Variants in DLGAP2 observed in about 807,000 individuals in gnomAD.
The protein encoded by DLGAP2 is disks large-associated protein 2.
DLGAP2 carries 26 observed loss-of-function variants against 100.3 expected under a neutral mutation model. That is an observed-to-expected ratio of 0.26 (90% CI 0.19 to 0.36). DLGAP2 has a LOEUF of 0.36. DLGAP2 is among the 10% of genes least tolerant of loss of function. The pLI is 1.00. For synonymous variants in DLGAP2, 886 were observed against 630.1 expected (o/e 1.41, Z -6.08); for missense variants, 1,858 against 1,453.2 (o/e 1.28, Z -4.53).
chr8:1,089,542 C>T (rs1324993317), intron 2 of DLGAP2, among the ~76,000 whole-genome samples: 2 of 152,214 alleles, frequency 1.3e-5, no homozygotes, highest in Admixed American at 1.3e-4. Context: ...CAGAGACTGG[C>T]ACCCTCCCTC....
In DLGAP2 at chr8:1,021,642, T is replaced by C. The variant is rs1238167565; in HGVS notation, c.73+113676T>C. 2.6e-5 allele frequency among the ~76,000 whole-genome samples: 4 copies of C among 152,288 alleles called. No homozygotes were observed. The South Asian group carries it at 6.2e-4, about 24-fold the overall frequency. On this transcript the variant is annotated intron_variant, in intron 2 of 14. Transcript: ENST00000637795. ...GACCACAGATAATTCACTAAGTTAA[T>C]AAGAACTCAGCTAAAGACTCCATGA...
At chr8:1,630,976 G>A (rs1255971954) in intron 7 of DLGAP2, among the ~76,000 whole-genome samples, 1 of 103,992 alleles carries the variant, frequency 9.6e-6, no homozygotes, top group Non-Finnish European at 2.3e-5. Flanking sequence ...GGGTCTCGGC[G>A]GGAGGTCCGG....
intron 3 of DLGAP2, among the ~76,000 whole-genome samples, chr8:1,419,085 C>T (rs1797018978): frequency 6.6e-6 from 1 of 152,254 alleles, no homozygotes; most frequent in East Asian, 1.9e-4. Context: ...GTGTTCAGCC[C>T]TCTGCAAGCA....
chr8:1,469,905 CCA>C lies in DLGAP2; in HGVS notation c.107-31457_107-31456del, dbSNP rs553353138. Among the ~76,000 whole-genome samples, 271 of 151,968 alleles carry C rather than the reference CCA, an allele frequency of 1.8e-3. 1 individual carries two copies. Among genetic ancestry groups the C allele is most frequent in the African/African-American group, 6.3e-3 (262 of 41,444 alleles). ...AGCGTGGTGGTTTATGCCTGTAATCCCACACTTTGGGAGGCTGAGGCAGGAGG... is the reference window on the plus strand; with the variant it reads ...AGCGTGGTGGTTTATGCCTGTAATCCCACTTTGGGAGGCTGAGGCAGGAGG... On this transcript the variant is annotated intron_variant, in intron 3 of 14. Coordinates refer to ENST00000637795, the MANE Select transcript of DLGAP2 (RefSeq NM_001346810.2).
intron 1 of DLGAP2, among the ~76,000 whole-genome samples, chr8:824,969 C>T (rs1796659599): frequency 6.6e-6 from 1 of 152,202 alleles, no homozygotes; most frequent in Non-Finnish European, 1.5e-5. Flanking sequence ...GGCCGCCCCA[C>T]CTCCGTGGCG....
At chr8:786,878 G>A (rs371249043) in intron 1 of DLGAP2, among the ~76,000 whole-genome samples, 19 of 151,808 alleles carry the variant, frequency 1.3e-4, no homozygotes, top group African/African-American at 3.9e-4. Context: ...CTGGTGATTT[G>A]AAAGAGCCTT....
chr8:766,138 G>C (rs1363047246), intron 1 of DLGAP2, among the ~76,000 whole-genome samples: 1 of 152,134 alleles, frequency 6.6e-6, no homozygotes, highest in Non-Finnish European at 1.5e-5. Flanking sequence ...TTACACTCCA[G>C]CCTGAGTGAC....
intron 2 of DLGAP2, among the ~76,000 whole-genome samples, chr8:1,049,476 T>A (rs1004879487): frequency 2.0e-5 from 3 of 152,104 alleles, no homozygotes; most frequent in African/African-American, 7.2e-5. Flanking sequence ...GGGAATACAA[T>A]TTACCCTTTT....
chr8:1,466,512 G>C (rs1798630768), intron 3 of DLGAP2, among the ~76,000 whole-genome samples: 1 of 120,400 alleles, frequency 8.3e-6, no homozygotes, highest in Non-Finnish European at 1.7e-5. Flanking sequence ...AACTTTTCCA[G>C]ACATCTCAAT....
At chr8:1,349,169 G>C (rs1381303713) in intron 3 of DLGAP2, among the ~76,000 whole-genome samples, 1 of 150,488 alleles carries the variant, frequency 6.6e-6, no homozygotes, top group Non-Finnish European at 1.5e-5. Flanking sequence ...AACAGACACA[G>C]CTTTACAAAA....
intron 2 of DLGAP2, among the ~76,000 whole-genome samples, chr8:1,118,578 T>G (rs1361345091): frequency 1.6e-5 from 2 of 126,514 alleles, no homozygotes; most frequent in Non-Finnish European, 3.4e-5. Context: ...GCTTTCTTTT[T>G]AATCAGTAGA....
At chr8:1,043,636 G>T (rs1277252730) in intron 2 of DLGAP2, among the ~76,000 whole-genome samples, 7 of 152,030 alleles carry the variant, frequency 4.6e-5, no homozygotes, top group African/African-American at 1.7e-4. Context: ...GATGAAGGGG[G>T]AACATGAGCT....
At chr8:1,241,879 C>T (rs539457364) in intron 2 of DLGAP2, among the ~76,000 whole-genome samples, 69 of 152,256 alleles carry the variant, frequency 4.5e-4, no homozygotes, top group African/African-American at 1.6e-3. Context: ...GTAATTGTCA[C>T]ACTGTTAAAA....
intron 2 of DLGAP2, among the ~76,000 whole-genome samples, chr8:949,602 G>T (rs1389590670): frequency 6.6e-6 from 1 of 152,216 alleles, no homozygotes; most frequent in African/African-American, 2.4e-5. Context: ...CCCAGGACGG[G>T]CCTCCCCGCT....
rs1260451811 is a variant in DLGAP2 at position 1,008,680 on chromosome 8, C to T, written c.73+100714C>T. Among the ~76,000 whole-genome samples the T allele has an allele frequency of 3.3e-5, 5 of 152,328 alleles. No individual in the cohort carries two copies. The East Asian group carries it at 5.8e-4, about 18-fold the overall frequency. The stretch of plus-strand genomic sequence containing the variant: ...ATTAAGCTGGAGAACAGCTGTCCGC[C>T]TCTGCAGGAGGACTGGTACTCACTA... On this transcript the variant is annotated intron_variant, in intron 2 of 14. Coordinates refer to ENST00000637795, the MANE Select transcript of DLGAP2 (RefSeq NM_001346810.2).
At chr8:1,623,528 C>T (rs528497024) in intron 6 of DLGAP2, among the ~76,000 whole-genome samples, 1 of 137,332 alleles carries the variant, frequency 7.3e-6, no homozygotes, top group African/African-American at 2.8e-5. Context: ...ACCAGTGCGT[C>T]ATGACCTGAC....
chr8:947,559 G>T (rs1274375727), intron 2 of DLGAP2, among the ~76,000 whole-genome samples: 1 of 152,290 alleles, frequency 6.6e-6, no homozygotes. Context: ...CCCACAGGTT[G>T]CCGGGCCCCT....
At chr8:1,586,870 G>A (rs1181531909) in intron 6 of DLGAP2, among the ~76,000 whole-genome samples, 2 of 152,176 alleles carry the variant, frequency 1.3e-5, no homozygotes, top group African/African-American at 4.8e-5. Flanking sequence ...GCATCATAAG[G>A]GGATTTTCTG....
intron 3 of DLGAP2, among the ~76,000 whole-genome samples, chr8:1,367,890 G>A (rs963184851): frequency 6.6e-6 from 1 of 152,196 alleles, no homozygotes; most frequent in Non-Finnish European, 1.5e-5. Context: ...AGAAGAGGGG[G>A]CAGAGAAGTC....
Sources: allele counts gnomAD v4.1 joint callset (sites outside exome capture counted in the v4.1 genomes callset), GRCh38; gene constraint gnomAD v4.1.1; transcripts MANE v1.5; gene names NCBI Gene and HGNC (gene_info 2026-07-23, HGNC 2026-07-21).